TAFA1: variants seen among roughly 807,000 people sequenced by gnomAD.
TAFA1 encodes the protein TAFA chemokine like family member 1.
In TAFA1, 4 loss-of-function variants were observed where a neutral mutation model predicts 18.5. The ratio of observed to expected loss-of-function variants is 0.22; its 90% CI spans 0.11 to 0.49. The LOEUF (loss-of-function observed/expected upper bound fraction) is 0.49. Ranked by LOEUF, TAFA1 falls within the 20% of genes least tolerant of loss-of-function variation. The pLI, the probability that TAFA1 is intolerant of heterozygous loss-of-function variation, is 0.98. For synonymous variants in TAFA1, 56 were observed against 55.2 expected (o/e 1.01, Z -0.06); for missense variants, 147 against 169.0 (o/e 0.87, Z 0.72).
intron 2 of TAFA1, among the ~76,000 whole-genome samples, chr3:68,366,190 G>A (rs1223202929): frequency 6.6e-6 from 1 of 151,948 alleles, no homozygotes; most frequent in East Asian, 1.9e-4. Flanking sequence ...ATCTCCCATG[G>A]GGTCCCTCCC....
At position 68,091,467 on chromosome 3, in the gene TAFA1, T is replaced by C. The variant is rs551338217; in HGVS notation, c.118+84723T>C. On this transcript the variant is annotated intron_variant, in intron 2 of 4. Transcript: ENST00000478136. ...ATTATCAGTATCTGACTTGAGACCTTCCAAGATTCCTCAGTCTGCCAGGTG... is the reference window on the plus strand; with the variant it reads ...ATTATCAGTATCTGACTTGAGACCTCCCAAGATTCCTCAGTCTGCCAGGTG... Among the ~76,000 whole-genome samples the C allele has an allele frequency of 3.7e-3, 556 of 152,230 alleles. 2 individuals carry two copies. The highest frequency in any genetic ancestry group is 6.1e-3 in the Non-Finnish European group (417 of 68,004).
chr3:68,259,466 A>G (rs1022595372), intron 2 of TAFA1, among the ~76,000 whole-genome samples: 1 of 152,094 alleles, frequency 6.6e-6, no homozygotes, highest in African/African-American at 2.4e-5. Context: ...TTTTCCAATT[A>G]TGTGAAGAAA....
intron 2 of TAFA1, among the ~76,000 whole-genome samples, chr3:68,399,074 T>C (rs2070437333): frequency 1.3e-5 from 2 of 152,166 alleles, no homozygotes; most frequent in Non-Finnish European, 2.9e-5. Context: ...TACATAACTT[T>C]AGAGTTGAAC....
At chr3:68,051,203 G>A (rs1359245944) in intron 2 of TAFA1, among the ~76,000 whole-genome samples, 1 of 152,104 alleles carries the variant, frequency 6.6e-6, no homozygotes, top group Non-Finnish European at 1.5e-5. Flanking sequence ...AGAGTATGTG[G>A]ATTACAGAAG....
chr3:68,306,619 G>T (rs1281874019), intron 2 of TAFA1, among the ~76,000 whole-genome samples: 2 of 152,122 alleles, frequency 1.3e-5, no homozygotes, highest in Non-Finnish European at 2.9e-5. Context: ...TCCACCTCCT[G>T]GATGGATCTG....
intron 2 of TAFA1, among the ~76,000 whole-genome samples, chr3:68,315,603 A>G (rs1186013572): frequency 1.3e-5 from 2 of 152,200 alleles, no homozygotes; most frequent in Non-Finnish European, 2.9e-5. Flanking sequence ...ACTTTTGACT[A>G]TCCTAGAATC....
At chr3:68,352,033 G>A (rs2069279657) in intron 2 of TAFA1, among the ~76,000 whole-genome samples, 1 of 152,026 alleles carries the variant, frequency 6.6e-6, no homozygotes, top group Non-Finnish European at 1.5e-5. Context: ...GAGCATTAAG[G>A]AATAGAGATG....
intron 2 of TAFA1, among the ~76,000 whole-genome samples, chr3:68,336,058 C>G (rs938166695): frequency 6.6e-6 from 1 of 152,226 alleles, no homozygotes; most frequent in Non-Finnish European, 1.5e-5. Flanking sequence ...AAGCCCAGCA[C>G]CACACTTTTG....
chr3:68,538,682 G>A (rs371365286), intron 3 of TAFA1, 74 bp from the exon 4 acceptor site: 3 of 1,508,068 alleles, frequency 2.0e-6, no homozygotes, highest in Admixed American at 1.7e-5. Flanking sequence ...GTGAAAATCT[G>A]CAGAGGGACA....
In TAFA1 at chr3:68,482,200, C is replaced by T. The variant is rs760966694; in HGVS notation, c.260-56556C>T. On this transcript the variant is annotated intron_variant, in intron 3 of 4. Transcript: ENST00000478136. ...TAATTTTTTGTATTTTTAATAGAGA[C>T]GGGGTTTAACCGTTTTAGCCAGGAT... Among the ~76,000 whole-genome samples, 9 of 152,066 alleles carry T rather than the reference C, an allele frequency of 5.9e-5. No homozygotes were observed. In the South Asian group the frequency reaches 6.2e-4, roughly 11 times the overall value.
intron 3 of TAFA1, among the ~76,000 whole-genome samples, chr3:68,486,601 T>A (rs2072344981): frequency 6.6e-6 from 1 of 152,222 alleles, no homozygotes; most frequent in Non-Finnish European, 1.5e-5. Context: ...TAACTCATCT[T>A]TCTAACAGGG....
chr3:68,510,849 C>CA (rs891911466), intron 3 of TAFA1, among the ~76,000 whole-genome samples: 5 of 152,038 alleles, frequency 3.3e-5, no homozygotes, highest in African/African-American at 9.6e-5. Context: ...TTGGGTTCTG[C>CA]AAAAAAATGT....
intron 2 of TAFA1, among the ~76,000 whole-genome samples, chr3:68,202,743 T>A (rs902994236): frequency 1.3e-5 from 2 of 151,688 alleles, no homozygotes; most frequent in African/African-American, 4.8e-5. Flanking sequence ...TACTTATATA[T>A]AAGCAAAAAT....
intron 2 of TAFA1, among the ~76,000 whole-genome samples, chr3:68,414,892 C>G (rs17047647): frequency 0.15 from 23,546 of 152,194 alleles, 2,395 homozygotes; most frequent in East Asian, 0.34. Flanking sequence ...TATTGCTCCA[C>G]TCTTGTATTA....
At chr3:68,325,831 C>G (rs1262885851) in intron 2 of TAFA1, among the ~76,000 whole-genome samples, 1 of 152,076 alleles carries the variant, frequency 6.6e-6, no homozygotes, top group African/African-American at 2.4e-5. Context: ...TCTAAGCCCC[C>G]TTTTTAAGTG....
At chr3:68,053,744 C>G (rs1288340675) in intron 2 of TAFA1, among the ~76,000 whole-genome samples, 1 of 152,236 alleles carries the variant, frequency 6.6e-6, no homozygotes, top group East Asian at 1.9e-4. Flanking sequence ...CGCTCTGTCA[C>G]CTAGGCTGAA....
At chr3:68,464,612 T>C (rs1304179209) in intron 3 of TAFA1, among the ~76,000 whole-genome samples, 2 of 152,074 alleles carry the variant, frequency 1.3e-5, no homozygotes, top group Non-Finnish European at 2.9e-5. Flanking sequence ...TAGTGCAGGG[T>C]CTTGTAGAGG....
chr3:68,379,320 C>T (rs2069881843), intron 2 of TAFA1, among the ~76,000 whole-genome samples: 1 of 152,086 alleles, frequency 6.6e-6, no homozygotes, highest in South Asian at 2.1e-4. Flanking sequence ...TGAAAAATGT[C>T]TGTTAATGTC....
chr3:68,474,086 T>C (rs578217142), intron 3 of TAFA1, among the ~76,000 whole-genome samples: 63 of 142,966 alleles, frequency 4.4e-4, no homozygotes, highest in Non-Finnish European at 6.4e-4. Flanking sequence ...CAAGCTATCC[T>C]ACTTCTTGAC....
Sources: allele counts gnomAD v4.1 joint callset (sites outside exome capture counted in the v4.1 genomes callset), GRCh38; gene constraint gnomAD v4.1.1; transcripts MANE v1.5; gene names NCBI Gene and HGNC (gene_info 2026-07-23, HGNC 2026-07-21).